Variants in NBDY observed in about 807,000 individuals in gnomAD.
NBDY encodes the protein negative regulator of P-body association, also known as P-body dissociating protein.
intron 2 of NBDY, among the ~76,000 whole-genome samples, chrX:56,760,713 TA>T (rs943578596): frequency 1.8e-5 from 2 of 110,689 alleles, no homozygotes; most frequent in Non-Finnish European, 3.8e-5. Context: ...CAAAACAAAA[TA>T]AAAAAAACAA....
intron 2 of NBDY, among the ~76,000 whole-genome samples, chrX:56,744,791 T>C (rs1193136898): frequency 9.0e-6 from 1 of 111,492 alleles, no homozygotes; most frequent in African/African-American, 3.3e-5. Flanking sequence ...GTTTTTTTCC[T>C]ATACATACAT....
intron 2 of NBDY, among the ~76,000 whole-genome samples, chrX:56,755,317 G>A (rs1245864197): frequency 8.9e-6 from 1 of 112,281 alleles, no homozygotes; most frequent in East Asian, 2.8e-4. Context: ...AAGAGCTTCT[G>A]CACAGCAAAA....
intron 2 of NBDY, among the ~76,000 whole-genome samples, chrX:56,750,086 T>C (rs2069576905): frequency 8.9e-6 from 1 of 111,944 alleles, no homozygotes; most frequent in Admixed American, 9.5e-5. Context: ...GGGAGCCAGA[T>C]AGAATTGGAA....
chrX:56,758,422 C>T (rs1288632054), intron 2 of NBDY, among the ~76,000 whole-genome samples: 3 of 111,129 alleles, frequency 2.7e-5, no homozygotes, highest in Admixed American at 9.5e-5. Context: ...AGGCATCTGT[C>T]GGGATGGGGC....
At chrX:56,782,197 C>T (rs1453952869) in intron 2 of NBDY, among the ~76,000 whole-genome samples, 1 of 110,744 alleles carries the variant, frequency 9.0e-6, no homozygotes, top group Non-Finnish European at 1.9e-5. Context: ...CATGGACCTC[C>T]CACTTTCTGT....
At chrX:56,757,810 T>G (rs1429515919) in intron 2 of NBDY, among the ~76,000 whole-genome samples, 1 of 110,603 alleles carries the variant, frequency 9.0e-6, no homozygotes, top group African/African-American at 3.3e-5. Context: ...AAGGAAGGAA[T>G]GCTTGTCTTC....
At chrX:56,749,140 G>A (rs1311564479) in intron 2 of NBDY, among the ~76,000 whole-genome samples, 2 of 109,939 alleles carry the variant, frequency 1.8e-5, no homozygotes, top group Admixed American at 1.9e-4. Flanking sequence ...CTCAATGGAG[G>A]TAGTATAATC....
At chrX:56,739,247 T>TATATATATAC in intron 2 of NBDY, among the ~76,000 whole-genome samples, 1 of 79,721 alleles carries the variant, frequency 1.3e-5, no homozygotes, top group East Asian at 3.7e-4. Context: ...TGTATATATA[T>TATATATATAC]ATATATATAT....
chrX:56,748,575 C>T (rs1266560151), intron 2 of NBDY, among the ~76,000 whole-genome samples: 1 of 106,083 alleles, frequency 9.4e-6, no homozygotes, highest in Non-Finnish European at 1.9e-5. Flanking sequence ...CTGGGGACCA[C>T]TAACATTTAA....
At chrX:56,805,142 G>C (rs1433097575) in intron 2 of NBDY, among the ~76,000 whole-genome samples, 3 of 111,994 alleles carry the variant, frequency 2.7e-5, no homozygotes, top group Non-Finnish European at 5.6e-5. Context: ...CATGGAACAG[G>C]AATCACTCCC....
chrX:56,736,687 G>A (rs187558239), intron 2 of NBDY, among the ~76,000 whole-genome samples: 54 of 112,583 alleles, frequency 4.8e-4, no homozygotes, highest in African/African-American at 1.7e-3. Flanking sequence ...TGGGATATGG[G>A]GAAAAGTATG....
chrX:56,786,645 T>C (rs112478529), intron 2 of NBDY, among the ~76,000 whole-genome samples: 8 of 103,506 alleles, frequency 7.7e-5, no homozygotes, highest in East Asian at 3.2e-4. Context: ...GCTTCTTCTT[T>C]TTCTTCTTCT....
At chrX:56,790,185 G>T (rs776148441) in intron 2 of NBDY, among the ~76,000 whole-genome samples, 1 of 112,707 alleles carries the variant, frequency 8.9e-6, no homozygotes, top group Non-Finnish European at 1.9e-5. Context: ...TTGCTCTAAA[G>T]GTTACATATG....
chrX:56,740,724 T>G (rs1288403027), intron 2 of NBDY, among the ~76,000 whole-genome samples: 1 of 111,330 alleles, frequency 9.0e-6, no homozygotes, highest in Non-Finnish European at 1.9e-5. Context: ...CTGGGTCTTT[T>G]TAATTTTGTA....
chrX:56,805,584 G>T (rs1178108732), intron 2 of NBDY, among the ~76,000 whole-genome samples: 1 of 111,936 alleles, frequency 8.9e-6, no homozygotes, highest in African/African-American at 3.2e-5. Context: ...GGATGGGGTG[G>T]TGGTGGGGGC....
intron 2 of NBDY, among the ~76,000 whole-genome samples, chrX:56,816,447 T>C (rs1360005101): frequency 3.6e-5 from 4 of 111,469 alleles, no homozygotes; most frequent in East Asian, 2.8e-4. Context: ...TAATTCTACA[T>C]ATCAATAAAT....
intron 2 of NBDY, among the ~76,000 whole-genome samples, chrX:56,743,487 A>G (rs1001604051): frequency 9.0e-6 from 1 of 110,642 alleles, no homozygotes; most frequent in African/African-American, 3.3e-5. Flanking sequence ...GTTTTGGATT[A>G]TCTTCATGGT....
chrX:56,812,889 T>C (rs992912936), intron 2 of NBDY, among the ~76,000 whole-genome samples: 1 of 110,971 alleles, frequency 9.0e-6, no homozygotes, highest in East Asian at 2.8e-4. Context: ...TCATTGGTGA[T>C]GGGTGTGTCC....
chrX:56,810,775 T>A (rs1172797223), intron 2 of NBDY, among the ~76,000 whole-genome samples: 1 of 111,073 alleles, frequency 9.0e-6, no homozygotes, highest in Non-Finnish European at 1.9e-5. Context: ...TCATTCTCTG[T>A]CCAGTTTTGT....
Sources: gnomAD v4.1 joint callset for allele counts (sites outside exome capture counted in the v4.1 genomes callset) on GRCh38, gnomAD v4.1.1 for gene constraint, MANE v1.5 for transcripts, NCBI Gene and HGNC (gene_info 2026-07-23, HGNC 2026-07-21) for gene names.